HPSE2: variants seen among roughly 807,000 people sequenced by gnomAD.
The protein encoded by HPSE2 is inactive heparanase-2.
Under a neutral mutation model 60.5 loss-of-function variants are expected in HPSE2, and 38 were observed. The observed-to-expected ratio is 0.63, with a 90% CI of 0.48 to 0.82. HPSE2 has a LOEUF of 0.82. Among genes scored for constraint, HPSE2 ranks in the 40% least tolerant of loss-of-function variants. The probability of loss-of-function intolerance (pLI) is 0.00; values close to 1 mark genes in which losing one functional copy is unlikely to be tolerated. For missense variants in HPSE2, 713 were observed against 740.4 expected, an observed-to-expected ratio of 0.96 and a Z score of 0.43; for synonymous variants, 295 against 293.2, an observed-to-expected ratio of 1.01 and a Z score of -0.06.
intron 3 of HPSE2, among the ~76,000 whole-genome samples, chr10:98,845,270 A>T (rs189955237): frequency 1.3e-5 from 2 of 152,334 alleles, no homozygotes; most frequent in East Asian, 3.9e-4. Context: ...CCCCACTCAA[A>T]TCAAGGCTGT....
At chr10:98,693,776 C>G in intron 6 of HPSE2, 124 bp downstream of exon 6, 1 of 852,676 alleles carries the variant, frequency 1.2e-6, no homozygotes, top group Non-Finnish European at 2.0e-6. Flanking sequence ...GAGTTACTTT[C>G]AAATTTTTTC....
At chr10:98,966,642 G>A (rs1351534977) in intron 3 of HPSE2, among the ~76,000 whole-genome samples, 3 of 152,110 alleles carry the variant, frequency 2.0e-5, no homozygotes, top group African/African-American at 4.8e-5. Flanking sequence ...CCTCTGTGAC[G>A]CGCCCCCTCA....
chr10:98,726,647 T>TAATAATAATAAG (rs1444375204), intron 4 of HPSE2, among the ~76,000 whole-genome samples: 2 of 147,528 alleles, frequency 1.4e-5, no homozygotes, highest in African/African-American at 4.9e-5. Context: ...ATAATAATAA[T>TAATAATAATAAG]AATAATAATA....
intron 3 of HPSE2, among the ~76,000 whole-genome samples, chr10:99,070,197 G>A (rs1842741405): frequency 6.6e-6 from 1 of 152,142 alleles, no homozygotes; most frequent in Admixed American, 6.5e-5. Context: ...CACACTAGGA[G>A]AAATTATTTG....
At chr10:99,054,098 T>C (rs2135507178) in intron 3 of HPSE2, among the ~76,000 whole-genome samples, 1 of 152,034 alleles carries the variant, frequency 6.6e-6, no homozygotes. Context: ...AAATTAGAGT[T>C]CAGGCTGGTG....
chr10:98,806,345 T>C (rs1214946141), intron 3 of HPSE2, among the ~76,000 whole-genome samples: 1 of 152,204 alleles, frequency 6.6e-6, no homozygotes, highest in Non-Finnish European at 1.5e-5. Context: ...ATACTACTGA[T>C]GAGCAAACAG....
chr10:99,121,594 T>C (rs1215989973), intron 3 of HPSE2, among the ~76,000 whole-genome samples: 1 of 151,938 alleles, frequency 6.6e-6, no homozygotes, highest in African/African-American at 2.4e-5. Flanking sequence ...TGAAATAAAA[T>C]TACAAACAAC....
In HPSE2 at chr10:98,477,365, T is replaced by A. The variant is rs1425069301; in HGVS notation, c.1613+5271A>T. 2.0e-5 allele frequency among the ~76,000 whole-genome samples: 3 copies of A among 152,270 alleles called. No homozygotes were observed. The East Asian group carries it at 5.8e-4, about 29-fold the overall frequency. Reference sequence around the variant, plus strand: ...CTGAGAGGGCTTTAAATGTGGGGCATCCTCTGGTCCAGATGGCTTGGCCAC... The same window carrying A: ...CTGAGAGGGCTTTAAATGTGGGGCAACCTCTGGTCCAGATGGCTTGGCCAC... On this transcript the variant is annotated intron_variant, in intron 11 of 11. Transcript: ENST00000370552.
chr10:99,074,168 T>C (rs1451863631), intron 3 of HPSE2, among the ~76,000 whole-genome samples: 2 of 152,190 alleles, frequency 1.3e-5, no homozygotes, highest in South Asian at 2.1e-4. Context: ...TTTTTCACCA[T>C]TAAATATAAT....
chr10:98,906,207 C>T (rs1437035288), intron 3 of HPSE2, among the ~76,000 whole-genome samples: 1 of 152,146 alleles, frequency 6.6e-6, no homozygotes, highest in Admixed American at 6.6e-5. Flanking sequence ...CTTCCCTTTC[C>T]CCAAAAGTGT....
chr10:98,984,903 C>G (rs561081518), intron 3 of HPSE2, among the ~76,000 whole-genome samples: 4 of 152,002 alleles, frequency 2.6e-5, no homozygotes, highest in Non-Finnish European at 5.9e-5. Context: ...GATGGAAGAT[C>G]AAATGAATGA....
intron 9 of HPSE2, among the ~76,000 whole-genome samples, chr10:98,518,409 G>A (rs1439057607): frequency 6.6e-6 from 1 of 152,108 alleles, no homozygotes; most frequent in Non-Finnish European, 1.5e-5. Flanking sequence ...GAATCCTCAT[G>A]TATAAAACAG....
At chr10:99,243,839 C>T in the HPSE2 span, among the ~76,000 whole-genome samples, 1 of 151,538 alleles carries the variant, frequency 6.6e-6, no homozygotes, top group African/African-American at 2.4e-5. Context: ...AGGAGGCTGA[C>T]GCAGGAGAAT....
chr10:98,520,259 T>C (rs961761684), intron 9 of HPSE2, among the ~76,000 whole-genome samples: 2 of 152,200 alleles, frequency 1.3e-5, no homozygotes, highest in African/African-American at 4.8e-5. Flanking sequence ...ATGTTTTCTA[T>C]GCTTGAGGAA....
intron 3 of HPSE2, among the ~76,000 whole-genome samples, chr10:99,092,113 T>C (rs1385601704): frequency 1.3e-5 from 2 of 152,152 alleles, no homozygotes; most frequent in Non-Finnish European, 2.9e-5. Context: ...TCTATATTCA[T>C]CTCATTGAGA....
chr10:98,778,320 A>C (rs1306561034), intron 3 of HPSE2, among the ~76,000 whole-genome samples: 2 of 120,848 alleles, frequency 1.7e-5, no homozygotes, highest in African/African-American at 5.9e-5. Context: ...CCTGTTAGCC[A>C]AAGCCTTTAT....
intron 3 of HPSE2, among the ~76,000 whole-genome samples, chr10:98,875,870 T>G (rs959209147): frequency 6.6e-6 from 1 of 152,000 alleles, no homozygotes; most frequent in Non-Finnish European, 1.5e-5. Context: ...TTAAATAGTA[T>G]TGTTTTGTTT....
chr10:98,899,849 T>C (rs1411524879), intron 3 of HPSE2, among the ~76,000 whole-genome samples: 5 of 150,918 alleles, frequency 3.3e-5, no homozygotes, highest in Non-Finnish European at 7.4e-5. Context: ...AGTGGCGCGA[T>C]CTTGGCTCAC....
intron 2 of HPSE2, among the ~76,000 whole-genome samples, chr10:99,223,308 A>C (rs1407731423): frequency 6.6e-6 from 1 of 152,172 alleles, no homozygotes; most frequent in Non-Finnish European, 1.5e-5. Context: ...GCACATAATA[A>C]GCATTCAATA....
Sources: allele counts gnomAD v4.1 joint callset (sites outside exome capture counted in the v4.1 genomes callset), GRCh38; gene constraint gnomAD v4.1.1; transcripts MANE v1.5; gene names NCBI Gene and HGNC (gene_info 2026-07-23, HGNC 2026-07-21).